The following THSD7A variants were observed in gnomAD, a reference collection of about 807,000 sequenced individuals.
THSD7A encodes thrombospondin type 1 domain containing 7A, also known as thrombospondin type-1 domain-containing protein 7A.
Under a neutral mutation model 231.3 loss-of-function variants are expected in THSD7A, and 96 were observed. The ratio of observed to expected loss-of-function variants is 0.41; its 90% CI spans 0.35 to 0.49. The LOEUF (loss-of-function observed/expected upper bound fraction) is 0.49. Among genes scored for constraint, THSD7A ranks in the 20% least tolerant of loss-of-function variants. The pLI is 0.05. For synonymous variants in THSD7A, 940 were observed against 743.3 expected, an observed-to-expected ratio of 1.26 and a Z score of -4.30; for missense variants, 2,290 against 2,070.2, an observed-to-expected ratio of 1.11 and a Z score of -2.06.
At chr7:11,647,773 G>C (rs1276719289) in intron 1 of THSD7A, among the ~76,000 whole-genome samples, 2 of 152,080 alleles carry the variant, frequency 1.3e-5, no homozygotes, top group African/African-American at 4.8e-5. Flanking sequence ...GTTAGGAAGT[G>C]TGTGATATTG....
At chr7:11,598,644 G>T (rs763198685) in intron 2 of THSD7A, among the ~76,000 whole-genome samples, 8 of 152,174 alleles carry the variant, frequency 5.3e-5, no homozygotes, top group East Asian at 1.9e-4. Flanking sequence ...CTGGGGCAAA[G>T]TTCTCCAGAC....
chr7:11,557,256 A>G (rs150799756), intron 4 of THSD7A, among the ~76,000 whole-genome samples: 1 of 152,104 alleles, frequency 6.6e-6, no homozygotes, highest in Non-Finnish European at 1.5e-5. Flanking sequence ...TTATGCTGTT[A>G]GACCCGTATA....
At chr7:11,463,302 T>C (rs1432407541) in intron 9 of THSD7A, among the ~76,000 whole-genome samples, 1 of 152,128 alleles carries the variant, frequency 6.6e-6, no homozygotes, top group Non-Finnish European at 1.5e-5. Context: ...CACTGCCATG[T>C]TTAGAGAGGA....
chr7:11,541,322 A>T, intron 6 of THSD7A, 97 bp downstream of exon 6: 1 of 1,129,842 alleles, frequency 8.9e-7, no homozygotes, highest in East Asian at 2.5e-5. Context: ...AAACAGAATC[A>T]GTTATAATGC....
At chr7:11,553,263 G>A (rs1397123685) in intron 4 of THSD7A, among the ~76,000 whole-genome samples, 1 of 151,970 alleles carries the variant, frequency 6.6e-6, no homozygotes. Flanking sequence ...AAGGAAACAG[G>A]GAAGAATACC....
intron 6 of THSD7A, among the ~76,000 whole-genome samples, chr7:11,513,356 A>ATTAAC (rs570086943): frequency 6.6e-6 from 1 of 151,264 alleles, no homozygotes; most frequent in Non-Finnish European, 1.5e-5. Context: ...CTTTTCAAGA[A>ATTAAC]TAAAAAAAAC....
At chr7:11,424,905 C>A in intron 15 of THSD7A, 76 bp from the exon 16 acceptor site, 2 of 1,549,370 alleles carry the variant, frequency 1.3e-6, no homozygotes, top group Non-Finnish European at 8.8e-7. Context: ...ACCATAACAG[C>A]AATCATTTCA....
At chr7:11,533,941 C>T (rs1002472548) in intron 6 of THSD7A, among the ~76,000 whole-genome samples, 6 of 152,100 alleles carry the variant, frequency 3.9e-5, no homozygotes, top group Non-Finnish European at 7.4e-5. Context: ...TCCTGTTTTT[C>T]TCATTTTTGA....
intron 1 of THSD7A, among the ~76,000 whole-genome samples, chr7:11,733,382 T>C (rs963313556): frequency 2.6e-5 from 4 of 151,924 alleles, no homozygotes; most frequent in East Asian, 1.9e-4. Context: ...TTAAATGACA[T>C]TTAATGTTAA....
intron 1 of THSD7A, among the ~76,000 whole-genome samples, chr7:11,641,489 G>A (rs1217130969): frequency 6.6e-6 from 1 of 151,988 alleles, no homozygotes; most frequent in East Asian, 1.9e-4. Context: ...ACTAAGAAAA[G>A]CATATGTTAT....
chr7:11,815,215 G>C (rs1784647775), intron 1 of THSD7A, among the ~76,000 whole-genome samples: 1 of 151,818 alleles, frequency 6.6e-6, no homozygotes. Context: ...TGGCCCACTA[G>C]ATGTTGCAGT....
chr7:11,376,269 C>T (rs899278025), intron 27 of THSD7A, among the ~76,000 whole-genome samples: 2 of 151,966 alleles, frequency 1.3e-5, no homozygotes, highest in African/African-American at 4.8e-5. Context: ...TAATATCTTC[C>T]TCCATTAGTA....
chr7:11,677,278 G>T (rs1161436982), intron 1 of THSD7A, among the ~76,000 whole-genome samples: 2 of 151,900 alleles, frequency 1.3e-5, no homozygotes, highest in Non-Finnish European at 2.9e-5. Context: ...CACGAAATAT[G>T]GAAAGGAAAA....
chr7:11,376,524 T>G (rs1782280894), intron 27 of THSD7A, 46 bp downstream of exon 27: 2 of 1,415,896 alleles, frequency 1.4e-6, no homozygotes, highest in African/African-American at 2.9e-5. Flanking sequence ...TGTTTCTGTG[T>G]TACGATTAAG....
intron 6 of THSD7A, among the ~76,000 whole-genome samples, chr7:11,536,010 T>G (rs1306297595): frequency 1.3e-5 from 2 of 152,180 alleles, no homozygotes; most frequent in Non-Finnish European, 2.9e-5. Flanking sequence ...CACAAAAATA[T>G]TTATAAATGT....
chr7:11,418,451 A>AT (rs1784033702), intron 16 of THSD7A, among the ~76,000 whole-genome samples: 4 of 152,204 alleles, frequency 2.6e-5, no homozygotes, highest in Non-Finnish European at 4.4e-5. Flanking sequence ...AGCAGGAGAG[A>AT]AAACCTTTAT....
At chr7:11,393,276 C>T (rs1783055177) in intron 23 of THSD7A, among the ~76,000 whole-genome samples, 1 of 151,924 alleles carries the variant, frequency 6.6e-6, no homozygotes, top group African/African-American at 2.4e-5. Context: ...AGCAGACCTG[C>T]AGCAGAGGGT....
chr7:11,615,675 C>T (rs1372349158), intron 2 of THSD7A, among the ~76,000 whole-genome samples: 1 of 152,070 alleles, frequency 6.6e-6, no homozygotes, highest in Admixed American at 6.6e-5. Flanking sequence ...TGCTCAATCC[C>T]TTCTATAGTA....
At chr7:11,389,580 C>A (rs2115325034) in intron 23 of THSD7A, among the ~76,000 whole-genome samples, 1 of 151,852 alleles carries the variant, frequency 6.6e-6, no homozygotes, top group South Asian at 2.1e-4. Flanking sequence ...ATCCAATTTG[C>A]CAGTCTGTGT....
Sources: allele counts gnomAD v4.1 joint callset (sites outside exome capture counted in the v4.1 genomes callset), GRCh38; gene constraint gnomAD v4.1.1; transcripts MANE v1.5; gene names NCBI Gene and HGNC (gene_info 2026-07-23, HGNC 2026-07-21).